The following TNIK variants were observed in gnomAD, a reference collection of about 807,000 sequenced individuals.
TNIK encodes the protein TRAF2 and NCK interacting kinase.
TNIK carries 49 observed loss-of-function variants against 191.3 expected under a neutral mutation model. The ratio of observed to expected loss-of-function variants is 0.26; its 90% CI spans 0.20 to 0.32. The LOEUF is 0.32. TNIK is among the 10% of genes least tolerant of loss of function. The probability of loss-of-function intolerance (pLI) is 1.00; values close to 1 mark genes in which losing one functional copy is unlikely to be tolerated. For missense variants in TNIK, 1,155 were observed against 1,702.3 expected (o/e 0.68, Z 5.66); for synonymous variants, 594 against 600.9 (o/e 0.99, Z 0.17).
intron 1 of TNIK, among the ~76,000 whole-genome samples, chr3:171,411,563 A>T (rs958611637): frequency 4.6e-5 from 7 of 152,180 alleles, no homozygotes; most frequent in African/African-American, 1.4e-4. Context: ...GGTCACCGAA[A>T]GACTTCATGG....
At chr3:171,264,111 C>CATATAT (rs1167898609) in intron 2 of TNIK, among the ~76,000 whole-genome samples, 28 of 61,036 alleles carry the variant, frequency 4.6e-4, no homozygotes, top group East Asian at 1.5e-3. Context: ...CACACACACA[C>CATATAT]ATATATATAT....
At chr3:171,316,258 T>G (rs1754585395) in intron 2 of TNIK, among the ~76,000 whole-genome samples, 1 of 152,136 alleles carries the variant, frequency 6.6e-6, no homozygotes, top group Non-Finnish European at 1.5e-5. Context: ...GTTGAATGAA[T>G]GTATGGATAG....
intron 2 of TNIK, among the ~76,000 whole-genome samples, chr3:171,275,491 T>C (rs78367478): frequency 2.0e-5 from 3 of 152,058 alleles, no homozygotes; most frequent in East Asian, 3.8e-4. Flanking sequence ...AGAAGTAAAC[T>C]AGAAAAAATC....
chr3:171,146,618 C>G (rs747052540), intron 12 of TNIK, among the ~76,000 whole-genome samples: 6 of 152,022 alleles, frequency 3.9e-5, no homozygotes, highest in Non-Finnish European at 8.8e-5. Context: ...TGTTTGATGG[C>G]CGGGCTCACA....
chr3:171,108,037 C>CA, intron 20 of TNIK, 28 bp downstream of exon 20: 1 of 1,549,774 alleles, frequency 6.5e-7, no homozygotes, highest in South Asian at 1.2e-5. Flanking sequence ...ATTAAGAGTT[C>CA]AAAACTCTTG....
At chr3:171,182,819 C>G (rs996183210) in intron 7 of TNIK, among the ~76,000 whole-genome samples, 1 of 152,176 alleles carries the variant, frequency 6.6e-6, no homozygotes, top group Non-Finnish European at 1.5e-5. Context: ...AAGACAAGAA[C>G]CCCAATGTGC....
intron 1 of TNIK, among the ~76,000 whole-genome samples, chr3:171,412,498 A>G (rs1029689972): frequency 3.3e-5 from 5 of 152,244 alleles, no homozygotes; most frequent in African/African-American, 9.6e-5. Flanking sequence ...TTTAAAAATC[A>G]TAAAAGAGAT....
At chr3:171,270,224 G>C (rs1361635538) in intron 2 of TNIK, among the ~76,000 whole-genome samples, 1 of 152,152 alleles carries the variant, frequency 6.6e-6, no homozygotes, top group Non-Finnish European at 1.5e-5. Context: ...TTCCTTAAGG[G>C]CTGGGGGCAA....
At chr3:171,404,330 C>G (rs1451852348) in intron 1 of TNIK, among the ~76,000 whole-genome samples, 1 of 151,726 alleles carries the variant, frequency 6.6e-6, no homozygotes, top group East Asian at 1.9e-4. Flanking sequence ...AGCTCATACT[C>G]CCAACTGAGA....
At chr3:171,219,694 A>G (rs995217198) in intron 3 of TNIK, among the ~76,000 whole-genome samples, 2 of 152,194 alleles carry the variant, frequency 1.3e-5, no homozygotes, top group Non-Finnish European at 2.9e-5. Context: ...ACAATGAGAT[A>G]CCATCTCATG....
At chr3:171,284,108 G>GA (rs932003339) in intron 2 of TNIK, among the ~76,000 whole-genome samples, 1 of 152,098 alleles carries the variant, frequency 6.6e-6, no homozygotes, top group Admixed American at 6.5e-5. Context: ...CTATGAATCT[G>GA]AAACTCTGGA....
chr3:171,163,447 A>T (rs1275902563), intron 10 of TNIK, among the ~76,000 whole-genome samples: 1 of 152,228 alleles, frequency 6.6e-6, no homozygotes, highest in Non-Finnish European at 1.5e-5. Context: ...CTTGCTTTTC[A>T]CACTAGCCAT....
intron 4 of TNIK, among the ~76,000 whole-genome samples, chr3:171,208,537 A>G (rs1374301404): frequency 2.1e-5 from 3 of 145,908 alleles, no homozygotes; most frequent in African/African-American, 7.6e-5. Flanking sequence ...CAGGCTTTAC[A>G]AAGTCCTATT....
At chr3:171,349,177 A>C (rs1049847104) in intron 2 of TNIK, among the ~76,000 whole-genome samples, 2 of 152,200 alleles carry the variant, frequency 1.3e-5, no homozygotes, top group Non-Finnish European at 2.9e-5. Flanking sequence ...GAAAAACAGT[A>C]AAACATGACC....
chr3:171,434,173 C>T (rs191083149), intron 1 of TNIK, among the ~76,000 whole-genome samples: 71 of 151,902 alleles, frequency 4.7e-4, no homozygotes, highest in Middle Eastern at 3.4e-3. Context: ...TGACCTCAGG[C>T]GATCTGCCTG....
intron 2 of TNIK, among the ~76,000 whole-genome samples, chr3:171,343,762 C>G (rs1243556040): frequency 1.3e-5 from 2 of 152,160 alleles, no homozygotes; most frequent in Non-Finnish European, 2.9e-5. Flanking sequence ...TCTTTCTTCT[C>G]CAATGATTCT....
chr3:171,083,475 G>C (rs767245164), intron 26 of TNIK, among the ~76,000 whole-genome samples: 2 of 152,112 alleles, frequency 1.3e-5, no homozygotes, highest in Non-Finnish European at 2.9e-5. Context: ...TCCTTAATCT[G>C]TATGAGATGT....
At chr3:171,345,146 A>G (rs1440926403) in intron 2 of TNIK, among the ~76,000 whole-genome samples, 1 of 152,138 alleles carries the variant, frequency 6.6e-6, no homozygotes, top group Admixed American at 6.5e-5. Flanking sequence ...TACTGCTTCC[A>G]TTTGATTTCT....
intron 1 of TNIK, among the ~76,000 whole-genome samples, chr3:171,399,823 T>C (rs1720698472): frequency 6.6e-6 from 1 of 152,244 alleles, no homozygotes; most frequent in African/African-American, 2.4e-5. Context: ...TTTATTTTAT[T>C]CTCCATTCTC....
Sources: gnomAD v4.1 joint callset for allele counts (sites outside exome capture counted in the v4.1 genomes callset) on GRCh38, gnomAD v4.1.1 for gene constraint, MANE v1.5 for transcripts, NCBI Gene and HGNC (gene_info 2026-07-23, HGNC 2026-07-21) for gene names.